The following SLC12A6 variants were observed in gnomAD, a reference collection of about 807,000 sequenced individuals.
The protein encoded by SLC12A6 is K-Cl cotransporter 3.
SLC12A6 carries 66 observed loss-of-function variants against 135.3 expected under a neutral mutation model. The observed-to-expected ratio is 0.49, with a 90% CI of 0.40 to 0.60. The LOEUF is 0.60. Ranked by LOEUF, SLC12A6 falls within the 20% of genes least tolerant of loss-of-function variation. SLC12A6 has a pLI of 0.00. For synonymous variants in SLC12A6, 513 were observed against 508.8 expected (o/e 1.01, Z -0.11); for missense variants, 1,058 against 1,452.3 (o/e 0.73, Z 4.41).
chr15:34,323,316 G>A (rs1889244793), intron 2 of SLC12A6, among the ~76,000 whole-genome samples: 1 of 152,082 alleles, frequency 6.6e-6, no homozygotes, highest in African/African-American at 2.4e-5. Flanking sequence ...TTAAAACAAT[G>A]GTCCCCAACC....
At position 34,261,007 on chromosome 15, in the gene SLC12A6, C is replaced by T; in HGVS notation, c.330G>A (p.Lys110=). The change falls in exon 4 of 26, where the codon AAG becomes AAA. Residue 110 remains lysine (K), a synonymous_variant. Coordinates refer to ENST00000354181, the MANE Select transcript of SLC12A6 (RefSeq NM_001365088.1). ...TATTGAGATAAGCATTTCGAGCTTT[C>T]TTATGTCCGTCGTCTGGAAAAAAAA... ...EHSQLLDDGH[K]KARNAYLNNS... 6.4e-7 allele frequency: 1 copy of T among 1,552,660 alleles called. No individual in the cohort carries two copies. The highest frequency in any genetic ancestry group is 8.9e-7 in the Non-Finnish European group (1 of 1,124,302).
chr15:34,246,319 C>A (rs77453930), intron 13 of SLC12A6, among the ~76,000 whole-genome samples: 1 of 151,974 alleles, frequency 6.6e-6, no homozygotes, highest in Non-Finnish European at 1.5e-5. Context: ...TTTGATCAAA[C>A]GGCACTATTG....
chr15:34,268,830 A>G (rs1331631534), intron 3 of SLC12A6, among the ~76,000 whole-genome samples: 2 of 151,796 alleles, frequency 1.3e-5, no homozygotes, highest in African/African-American at 2.4e-5. Flanking sequence ...ATCACCTGTC[A>G]GATTACTATT....
chr15:34,235,089 G>T, intron 25 of SLC12A6, 92 bp downstream of exon 25: 1 of 1,142,960 alleles, frequency 8.7e-7, no homozygotes, highest in Non-Finnish European at 1.3e-6. Flanking sequence ...GGAAAGTGGG[G>T]CATAGACAAT....
At chr15:34,262,770 G>A (rs781731082) in intron 3 of SLC12A6, among the ~76,000 whole-genome samples, 9 of 152,120 alleles carry the variant, frequency 5.9e-5, no homozygotes, top group Non-Finnish European at 1.0e-4. Context: ...CATACAGCCC[G>A]CTTCTGTCTC....
intron 2 of SLC12A6, among the ~76,000 whole-genome samples, chr15:34,289,607 CCTGGA>C (rs2140961428): frequency 6.6e-6 from 1 of 152,224 alleles, no homozygotes; most frequent in South Asian, 2.1e-4. Flanking sequence ...TCCTTCTGGT[CCTGGA>C]CTTTTTTTGG....
At chr15:34,326,194 A>AAT (rs1290766099) in intron 2 of SLC12A6, among the ~76,000 whole-genome samples, 2 of 152,164 alleles carry the variant, frequency 1.3e-5, no homozygotes, top group Non-Finnish European at 2.9e-5. Context: ...GTCTAATGTC[A>AAT]ATATAGCCCA....
rs1891575260 is a variant in SLC12A6 at position 34,240,621 on chromosome 15, T to C, written c.2436+40A>G. 7 of 1,557,228 alleles carry C rather than the reference T, an allele frequency of 4.5e-6. No homozygotes were observed. The East Asian group carries it at 1.6e-4, about 35-fold the overall frequency. On this transcript the variant is annotated intron_variant, in intron 19 of 25. Transcript: ENST00000354181. ...GTCTTACTACTTAACATCACAAAGCTGTAAACTGAGTTCCAATACCTCAAA... is the reference window on the plus strand; with the variant it reads ...GTCTTACTACTTAACATCACAAAGCCGTAAACTGAGTTCCAATACCTCAAA...
intron 2 of SLC12A6, among the ~76,000 whole-genome samples, chr15:34,295,527 T>C (rs1895821217): frequency 6.6e-6 from 1 of 152,230 alleles, no homozygotes; most frequent in South Asian, 2.1e-4. Flanking sequence ...CTTGGAATTC[T>C]AAACATTTTG....
At chr15:34,242,271 G>A in intron 16 of SLC12A6, 50 bp from the exon 17 acceptor site, 4 of 1,425,502 alleles carry the variant, frequency 2.8e-6, no homozygotes, top group Non-Finnish European at 3.9e-6. Context: ...TGAAAAAGAA[G>A]CCTATGTTAA....
Position 34,274,259 on chromosome 15 carries a change from T to C in SLC12A6, c.316+1086A>G, listed in dbSNP as rs117851558. On this transcript the variant is annotated intron_variant, in intron 3 of 25. Coordinates refer to ENST00000354181, the MANE Select transcript of SLC12A6 (RefSeq NM_001365088.1). ...AAGTAAAAAGAAGCAGTCTGTATAA[T>C]AGAACAGTCCATTTACTATAACACC... 2.5e-3 allele frequency among the ~76,000 whole-genome samples: 388 copies of C among 152,246 alleles called. 1 individual carries two copies. In the Middle Eastern group the frequency reaches 0.059, roughly 23 times the overall value.
intron 2 of SLC12A6, among the ~76,000 whole-genome samples, chr15:34,302,466 C>T (rs142546107): frequency 1.7e-4 from 26 of 151,944 alleles, no homozygotes; most frequent in African/African-American, 5.5e-4. Flanking sequence ...GAGGCCGAGG[C>T]GGGTGGATCA....
intron 2 of SLC12A6, among the ~76,000 whole-genome samples, chr15:34,320,907 C>CA (rs944903556): frequency 5.4e-5 from 8 of 147,174 alleles, no homozygotes; most frequent in African/African-American, 1.5e-4. Context: ...AGACTCGTCT[C>CA]AAAAAAAATA....
At chr15:34,318,772 T>G (rs1350775799) in intron 2 of SLC12A6, 5 of 1,589,066 alleles carry the variant, frequency 3.1e-6, no homozygotes, top group Non-Finnish European at 4.3e-6. Context: ...CGTTTCAGAC[T>G]GTGATCCCTG....
At chr15:34,266,334 C>T (rs1893518975) in intron 3 of SLC12A6, among the ~76,000 whole-genome samples, 1 of 151,962 alleles carries the variant, frequency 6.6e-6, no homozygotes, top group Admixed American at 6.5e-5. Flanking sequence ...TAGAAGGTAA[C>T]CACATAATAA....
chr15:34,300,757 C>T (rs959652398), intron 2 of SLC12A6, among the ~76,000 whole-genome samples: 2 of 145,622 alleles, frequency 1.4e-5, no homozygotes, highest in African/African-American at 5.1e-5. Context: ...AGACGCACCA[C>T]TGCACTCTGG....
intron 4 of SLC12A6, 60 bp from the exon 5 acceptor site, chr15:34,259,004 A>C: frequency 7.1e-7 from 1 of 1,399,834 alleles, no homozygotes. Flanking sequence ...TAAGTATCAA[A>C]ATAATCTTGC....
rs1259915974 is a variant in SLC12A6, at chr15:34,232,071, G to T, written c.*1810C>A. 6.6e-6 allele frequency: 1 copy of T among 152,122 alleles called. No homozygotes were observed. Among genetic ancestry groups the T allele is most frequent in the Non-Finnish European group, 1.5e-5 (1 of 68,026 alleles). The allele number at this position is 152,122 out of a possible 1,614,324, so 9.4% of individuals were successfully genotyped here. Reference sequence around the variant, plus strand: ...ACAGCCATGAATACAGGCAAGAAAAGTTTCTCTAAATAACTATTCTGTAAA... The same window carrying T: ...ACAGCCATGAATACAGGCAAGAAAATTTTCTCTAAATAACTATTCTGTAAA... On this transcript the variant is annotated 3_prime_UTR_variant, in exon 26 of 26. Transcript: ENST00000354181.
intron 2 of SLC12A6, among the ~76,000 whole-genome samples, chr15:34,310,207 G>A (rs992060166): frequency 7.0e-6 from 1 of 142,570 alleles, no homozygotes; most frequent in Non-Finnish European, 1.5e-5. Context: ...GTGTGTGTGT[G>A]TCCCTGTGTC....
Sources: gnomAD v4.1 joint callset for allele counts (sites outside exome capture counted in the v4.1 genomes callset) on GRCh38, gnomAD v4.1.1 for gene constraint, MANE v1.5 for transcripts, NCBI Gene and HGNC (gene_info 2026-07-23, HGNC 2026-07-21) for gene names.